CAV2: variants seen among roughly 807,000 people sequenced by gnomAD.
The protein encoded by CAV2 is caveolin-2.
A neutral mutation model predicts 15.5 loss-of-function variants in CAV2; 7 were observed. The ratio of observed to expected loss-of-function variants is 0.45; its 90% CI spans 0.26 to 0.85. The LOEUF (loss-of-function observed/expected upper bound fraction) is 0.85, where lower values mean the gene tolerates loss of function less well. Among genes scored for constraint, CAV2 ranks in the 40% least tolerant of loss-of-function variants. CAV2 has a pLI of 0.18. For synonymous variants in CAV2, 76 were observed against 83.1 expected, an observed-to-expected ratio of 0.91 and a Z score of 0.46; for missense variants, 229 against 208.8, an observed-to-expected ratio of 1.10 and a Z score of -0.60.
At position 116,507,880 on chromosome 7, in the gene CAV2, T is replaced by C. The variant is rs1021507316; in HGVS notation, c.*1759T>C. 1 of 152,148 alleles carries C rather than the reference T, an allele frequency of 6.6e-6. No individual in the cohort carries two copies. The highest frequency in any genetic ancestry group is 6.5e-5 in the Admixed American group (1 of 15,280). 9.4% of individuals were successfully genotyped at this position (152,148 alleles called of 1,614,324 possible). Reference sequence around the variant, plus strand: ...GCTAATAAGTGACAAATAAGATTAATAAGATTTTTCAAAATCGCCAGGACT... The same window carrying C: ...GCTAATAAGTGACAAATAAGATTAACAAGATTTTTCAAAATCGCCAGGACT... On this transcript the variant is annotated 3_prime_UTR_variant, in exon 3 of 3. Transcript: ENST00000222693.
chr7:116,500,038 C>A, intron 1 of CAV2, 107 bp downstream of exon 1: 2 of 1,501,484 alleles, frequency 1.3e-6, no homozygotes, highest in African/African-American at 1.4e-5. Context: ...GTCGGCCCCG[C>A]AGGGTCTGAG....
chr7:116,499,877 G>A lies in CAV2; in HGVS notation c.96G>A (p.Lys32=), dbSNP rs150396867. The change falls in exon 1 of 3, where the codon AAG becomes AAA. Residue 32 remains lysine (K), a synonymous_variant. Transcript: ENST00000222693. ...HSGLEYADPE[K]FADSDQDRDP... The stretch of plus-strand genomic sequence containing the variant: ...GCCTCGAGTACGCCGACCCCGAGAA[G>A]TTCGCGGACTCGGACCAGGACCGGG... 2 of 1,612,202 alleles carry A rather than the reference G, an allele frequency of 1.2e-6. No homozygotes were observed. The highest frequency in any genetic ancestry group is 1.7e-6 in the Non-Finnish European group (2 of 1,179,516).
chr7:116,502,920 T>C (rs1793137303), intron 2 of CAV2, among the ~76,000 whole-genome samples: 1 of 152,082 alleles, frequency 6.6e-6, no homozygotes, highest in Non-Finnish European at 1.5e-5. Flanking sequence ...ACCAAAGAAA[T>C]GTGGCTGGAG....
intron 2 of CAV2, among the ~76,000 whole-genome samples, chr7:116,505,074 ATC>A (rs1364206779): frequency 6.6e-6 from 1 of 152,242 alleles, no homozygotes; most frequent in Admixed American, 6.5e-5. Flanking sequence ...GAAATACAGC[ATC>A]TATTTATAAT....
chr7:116,500,252 C>T lies in CAV2; in HGVS notation c.151-8C>T. On this transcript the variant is annotated splice_polypyrimidine_tract_variant and splice_region_variant and intron_variant, in intron 1 of 2. Transcript: ENST00000222693. ...ACAGTTCGGGGTCCCTGCGTCCTGT[C>T]TCCTCAGCTGGGCTTCGAGGATGTG... is the stretch of plus-strand genomic sequence containing the variant. 6.2e-7 allele frequency: 1 copy of T among 1,612,220 alleles called. No individual in the cohort carries two copies. The highest frequency in any genetic ancestry group is 8.5e-7 in the Non-Finnish European group (1 of 1,178,976).
At chr7:116,500,577 G>A (rs998780754) in intron 2 of CAV2, 130 bp downstream of exon 2, 13 of 781,246 alleles carry the variant, frequency 1.7e-5, no homozygotes, top group Admixed American at 2.7e-5. Context: ...CCAAGCAGTA[G>A]GAAGAACTGG....
chr7:116,500,592 C>T lies in CAV2; in HGVS notation c.338+145C>T, dbSNP rs1793081198. ...CCAAGCAGTAGGAAGAACTGGAAGG[C>T]CTTGAAAGGCAATGCGCTTCCTTTA... On this transcript the variant is annotated intron_variant, in intron 2 of 2. Transcript: ENST00000222693. 2.9e-6 allele frequency: 2 copies of T among 696,130 alleles called. 1 individual carries two copies. The highest frequency in any genetic ancestry group is 5.3e-5 in the East Asian group (2 of 37,606). The allele number at this position is 696,130 out of a possible 1,614,324, so 43.1% of individuals were successfully genotyped here.
chr7:116,502,298 A>T (rs933597625), intron 2 of CAV2, among the ~76,000 whole-genome samples: 2 of 152,238 alleles, frequency 1.3e-5, no homozygotes, highest in African/African-American at 4.8e-5. Flanking sequence ...TCAATTGGTG[A>T]ATCATCAATG....
chr7:116,501,847 G>T (rs1354636088), intron 2 of CAV2, among the ~76,000 whole-genome samples: 1 of 152,158 alleles, frequency 6.6e-6, no homozygotes, highest in African/African-American at 2.4e-5. Context: ...TATGTTGAAG[G>T]TGCCAAGATT....
intron 2 of CAV2, among the ~76,000 whole-genome samples, chr7:116,505,768 A>G (rs1458148157): frequency 6.6e-6 from 1 of 152,190 alleles, no homozygotes; most frequent in South Asian, 2.1e-4. Context: ...CCCACCTCCA[A>G]CACTGGGGAC....
chr7:116,500,200 C>G (rs1001851074), intron 1 of CAV2, 60 bp from the exon 2 acceptor site: 204 of 1,574,270 alleles, frequency 1.3e-4, no homozygotes, highest in Non-Finnish European at 1.8e-4. Flanking sequence ...CAAAGCGCTC[C>G]CGGTTCCCGG....
rs199880412 is a variant in CAV2, at chr7:116,500,289, G to T, written c.180G>T (p.Pro60=). ...KLGFEDVIAE[P]VTTHSFDKVW... ...GCTTCGAGGATGTGATCGCAGAGCCGGTGACTACGCACTCCTTTGACAAAG... is the reference window on the plus strand; with the variant it reads ...GCTTCGAGGATGTGATCGCAGAGCCTGTGACTACGCACTCCTTTGACAAAG... Residue 60 remains proline, a synonymous_variant, in exon 2 of 3, where the codon CCG becomes CCT. Transcript: ENST00000222693. 3 of 1,614,052 alleles carry T rather than the reference G, an allele frequency of 1.9e-6. No homozygotes were observed. Among genetic ancestry groups the T allele is most frequent in the Non-Finnish European group, 2.5e-6 (3 of 1,180,020 alleles).
intron 2 of CAV2, among the ~76,000 whole-genome samples, chr7:116,505,459 A>C (rs1793211996): frequency 6.6e-6 from 1 of 152,302 alleles, no homozygotes; most frequent in Non-Finnish European, 1.5e-5. Flanking sequence ...GTTATTTATA[A>C]AGAAAAGAGG....
chr7:116,500,123 C>A, intron 1 of CAV2, 137 bp from the exon 2 acceptor site: 3 of 1,478,004 alleles, frequency 2.0e-6, no homozygotes, highest in Non-Finnish European at 2.7e-6. Context: ...GGTTCCTGTG[C>A]GCCCACCGTG....
chr7:116,500,358 A>C lies in CAV2; in HGVS notation c.249A>C (p.Val83=). The C allele has an allele frequency of 6.2e-7, 1 of 1,614,140 alleles. No individual in the cohort carries two copies. The highest frequency in any genetic ancestry group is 1.1e-5 in the South Asian group (1 of 91,084). ...CCCTCTTTGAAATCAGCAAATACGT[A>C]ATGTACAAGTTCCTGACGGTGTTCC... is the stretch of plus-strand genomic sequence containing the variant. The part of the protein sequence containing the change: ...SHALFEISKY[V]MYKFLTVFLA... Residue 83 remains valine (V), a synonymous_variant, in exon 2 of 3, where the codon GTA becomes GTC. Coordinates refer to ENST00000222693, the MANE Select transcript of CAV2 (RefSeq NM_001233.5).
intron 2 of CAV2, among the ~76,000 whole-genome samples, chr7:116,503,041 C>CT (rs1332725523): frequency 2.0e-5 from 3 of 151,984 alleles, no homozygotes; most frequent in African/African-American, 7.3e-5. Flanking sequence ...CAGTAAATTG[C>CT]TATGAATGCA....
At chr7:116,502,641 GT>G (rs1190226180) in intron 2 of CAV2, among the ~76,000 whole-genome samples, 5 of 152,080 alleles carry the variant, frequency 3.3e-5, no homozygotes, top group African/African-American at 7.2e-5. Context: ...CTTGTGTATT[GT>G]TTTTACCAAA....
rs141120601 is a variant in CAV2 at position 116,505,406 on chromosome 7, C to G, written c.339-565C>G. On this transcript the variant is annotated intron_variant, in intron 2 of 2. Coordinates refer to ENST00000222693, the MANE Select transcript of CAV2 (RefSeq NM_001233.5). ...AACATATTTTTTGTGCATCTTATCA[C>G]TTTAGTCCATTTGCATTACTATGAA... Among the ~76,000 whole-genome samples the G allele has an allele frequency of 3.7e-3, 557 of 152,316 alleles. 1 individual carries two copies. The highest frequency in any genetic ancestry group is 6.4e-3 in the Non-Finnish European group (432 of 68,024).
At chr7:116,502,974 G>A (rs1793138278) in intron 2 of CAV2, among the ~76,000 whole-genome samples, 1 of 152,066 alleles carries the variant, frequency 6.6e-6, no homozygotes, top group African/African-American at 2.4e-5. Context: ...GCAAACAAAT[G>A]CCCAACTGAT....
Sources: allele counts gnomAD v4.1 joint callset (sites outside exome capture counted in the v4.1 genomes callset), GRCh38; gene constraint gnomAD v4.1.1; transcripts MANE v1.5; gene names NCBI Gene and HGNC (gene_info 2026-07-23, HGNC 2026-07-21).